Variants in ZMYM2 observed in about 807,000 individuals in gnomAD.
The protein encoded by ZMYM2 is zinc finger MYM-type containing 2.
In ZMYM2, 56 loss-of-function variants were observed where a neutral mutation model predicts 162.8. That is an observed-to-expected ratio of 0.34 (90% CI 0.28 to 0.43). The LOEUF (loss-of-function observed/expected upper bound fraction) is 0.43, where lower values mean the gene tolerates loss of function less well. ZMYM2 is among the 20% of genes least tolerant of loss of function. The pLI, the probability that ZMYM2 is intolerant of heterozygous loss-of-function variation, is 1.00. For missense variants in ZMYM2, 1,275 were observed against 1,621.8 expected (o/e 0.79, Z 3.67); for synonymous variants, 510 against 541.6 (o/e 0.94, Z 0.81).
In ZMYM2 at chr13:20,011,573, G is replaced by GTTTTTTTTTTTTTTTTT. The variant is rs764404253; in HGVS notation, c.1512+4991_1512+4992insTTTTTTTTTTTTTTTTT. Among the ~76,000 whole-genome samples, 6 of 144,202 alleles carry GTTTTTTTTTTTTTTTTT rather than the reference G, an allele frequency of 4.2e-5. 1 individual carries two copies. Among genetic ancestry groups the GTTTTTTTTTTTTTTTTT allele is most frequent in the African/African-American group, 1.3e-4 (5 of 37,924 alleles). The allele number at this position is 144,202 out of a possible 152,430, so 94.6% of individuals were successfully genotyped here. ...GATGTGCAGAAGTTTTTATTTTTTT[G>GTTTTTTTTTTTTTTTTT]TTTTATTTTTTTTTTTTTTGAGGGG... On this transcript the variant is annotated intron_variant, in intron 6 of 24. Coordinates refer to ENST00000610343, the MANE Select transcript of ZMYM2 (RefSeq NM_197968.4).
chr13:19,984,525 A>G (rs1297777833), intron 2 of ZMYM2, among the ~76,000 whole-genome samples: 2 of 152,248 alleles, frequency 1.3e-5, no homozygotes. Context: ...TATACCATTT[A>G]CTGTAGTAAA....
chr13:20,043,804 G>T (rs1247984707), intron 12 of ZMYM2, among the ~76,000 whole-genome samples: 1 of 152,108 alleles, frequency 6.6e-6, no homozygotes. Flanking sequence ...GCCTGCACAT[G>T]GCAAAGGGAT....
intron 6 of ZMYM2, among the ~76,000 whole-genome samples, chr13:20,011,590 T>C (rs1445686881): frequency 2.6e-5 from 4 of 151,336 alleles, no homozygotes; most frequent in African/African-American, 9.7e-5. Flanking sequence ...TTTTTTTTTT[T>C]TTGAGGGGTG....
At chr13:20,064,577 T>C (rs759328897) in intron 19 of ZMYM2, 32 bp downstream of exon 19, 1 of 1,490,844 alleles carries the variant, frequency 6.7e-7, no homozygotes, top group Non-Finnish European at 9.0e-7. Flanking sequence ...TATAACAATA[T>C]TTCTCTATAG....
At chr13:20,046,654 T>A (rs259794) in intron 12 of ZMYM2, among the ~76,000 whole-genome samples, 2,284 of 145,148 alleles carry the variant, frequency 0.016, 55 homozygotes, top group African/African-American at 0.058. Flanking sequence ...TACATATGTA[T>A]ATGTGTGTAT....
At chr13:20,021,745 G>C (rs1952124914) in intron 7 of ZMYM2, among the ~76,000 whole-genome samples, 1 of 152,036 alleles carries the variant, frequency 6.6e-6, no homozygotes, top group Admixed American at 6.5e-5. Context: ...GTGGTTCTGG[G>C]GTTCTTTCTC....
At chr13:19,964,063 C>T (rs1036521627) in intron 2 of ZMYM2, among the ~76,000 whole-genome samples, 2 of 152,148 alleles carry the variant, frequency 1.3e-5, no homozygotes, top group African/African-American at 4.8e-5. Flanking sequence ...TTCATGTTTG[C>T]TATTTCAAGA....
At chr13:19,884,808 G>A in the ZMYM2 span, among the ~76,000 whole-genome samples, 2 of 151,964 alleles carry the variant, frequency 1.3e-5, no homozygotes, top group East Asian at 1.9e-4. Context: ...TCTTCAACAA[G>A]CCATACAACA....
At chr13:19,925,270 T>C in the ZMYM2 span, among the ~76,000 whole-genome samples, 5 of 152,216 alleles carry the variant, frequency 3.3e-5, no homozygotes, top group Non-Finnish European at 1.5e-5. Flanking sequence ...AGCTTTTTAG[T>C]AAATTCCCTT....
intron 6 of ZMYM2, among the ~76,000 whole-genome samples, chr13:20,018,828 G>A (rs1951829254): frequency 6.6e-6 from 1 of 151,962 alleles, no homozygotes; most frequent in African/African-American, 2.4e-5. Context: ...GACTGTAATC[G>A]CAGCACTTTG....
chr13:19,917,341 C>A, the ZMYM2 span, among the ~76,000 whole-genome samples: 316 of 152,160 alleles, frequency 2.1e-3, no homozygotes, highest in South Asian at 0.019. Flanking sequence ...GTAATCCCTG[C>A]ACTTTGAGGG....
chr13:19,945,709 G>A, the ZMYM2 span, among the ~76,000 whole-genome samples: 5 of 151,826 alleles, frequency 3.3e-5, no homozygotes, highest in Non-Finnish European at 5.9e-5. Flanking sequence ...TTTGCTAAGA[G>A]TTTAATATTA....
At chr13:19,977,723 C>A (rs1956916353) in intron 2 of ZMYM2, among the ~76,000 whole-genome samples, 1 of 151,430 alleles carries the variant, frequency 6.6e-6, no homozygotes. Flanking sequence ...ATCTCCTGAC[C>A]TTGTGGTCCA....
the ZMYM2 span, among the ~76,000 whole-genome samples, chr13:19,936,349 T>A: frequency 6.6e-6 from 1 of 152,204 alleles, no homozygotes; most frequent in African/African-American, 2.4e-5. Flanking sequence ...TAGCCATGGA[T>A]GGCATTATTT....
chr13:19,895,839 A>G, the ZMYM2 span, among the ~76,000 whole-genome samples: 1 of 151,774 alleles, frequency 6.6e-6, no homozygotes, highest in South Asian at 2.1e-4. Context: ...ATTACTATTC[A>G]CAATAGCTAA....
intron 17 of ZMYM2, among the ~76,000 whole-genome samples, chr13:20,062,243 G>A (rs1379545301): frequency 1.3e-5 from 2 of 152,168 alleles, no homozygotes; most frequent in African/African-American, 4.8e-5. Flanking sequence ...AAGTGGAATA[G>A]GGTAAGAGAA....
At chr13:20,006,232 T>TA (rs747053429) in intron 5 of ZMYM2, 142 bp from the exon 6 acceptor site, 3,207 of 674,004 alleles carry the variant, frequency 4.8e-3, no homozygotes, top group South Asian at 0.012. Flanking sequence ...ACCCTGTCTT[T>TA]AAAAAAAAAA....
chr13:19,991,390 G>A (rs1177254179), intron 2 of ZMYM2, among the ~76,000 whole-genome samples: 1 of 151,124 alleles, frequency 6.6e-6, no homozygotes, highest in Non-Finnish European at 1.5e-5. Context: ...AAAATGCTAG[G>A]ATTACAGGTA....
At chr13:19,936,687 A>T in the ZMYM2 span, among the ~76,000 whole-genome samples, 4 of 152,136 alleles carry the variant, frequency 2.6e-5, no homozygotes, top group Admixed American at 2.6e-4. Context: ...ACACCACTGC[A>T]CTCCAGCCTG....
Sources: gnomAD v4.1 joint callset for allele counts (sites outside exome capture counted in the v4.1 genomes callset) on GRCh38, gnomAD v4.1.1 for gene constraint, MANE v1.5 for transcripts, NCBI Gene and HGNC (gene_info 2026-07-23, HGNC 2026-07-21) for gene names.